Variants in ZNF148 observed in about 807,000 individuals in gnomAD.
The protein encoded by ZNF148 is Beta-Enolase Repressor Factor-1.
In ZNF148, 7 loss-of-function variants were observed where a neutral mutation model predicts 67.7. The observed-to-expected ratio is 0.10, with a 90% confidence interval of 0.06 to 0.19. The LOEUF (loss-of-function observed/expected upper bound fraction) is 0.19. Among genes scored for constraint, ZNF148 ranks in the 10% least tolerant of loss-of-function variants. The probability of loss-of-function intolerance (pLI) is 1.00; values close to 1 mark genes in which losing one functional copy is unlikely to be tolerated. For missense variants in ZNF148, 583 were observed against 947.1 expected, an observed-to-expected ratio of 0.62 and a Z score of 5.05; for synonymous variants, 333 against 330.7, an observed-to-expected ratio of 1.01 and a Z score of -0.08.
At chr3:125,242,593 T>C (rs565092431) in intron 7 of ZNF148, among the ~76,000 whole-genome samples, 2 of 152,276 alleles carry the variant, frequency 1.3e-5, no homozygotes, top group South Asian at 4.1e-4. Flanking sequence ...ACTGCGCCAC[T>C]GCACTCCAGC....
At chr3:125,334,716 G>A (rs934864822) in intron 1 of ZNF148, among the ~76,000 whole-genome samples, 5 of 152,144 alleles carry the variant, frequency 3.3e-5, no homozygotes, top group African/African-American at 9.7e-5. Context: ...AAAGTAGTAA[G>A]AGGCAGACCC....
At chr3:125,334,507 A>G (rs761924017) in intron 1 of ZNF148, among the ~76,000 whole-genome samples, 14 of 152,166 alleles carry the variant, frequency 9.2e-5, no homozygotes, top group Non-Finnish European at 1.8e-4. Context: ...GTGATCTCTT[A>G]ATGTTGATTC....
chr3:125,277,899 C>T (rs751233848), intron 6 of ZNF148, 90 bp from the exon 7 acceptor site: 6 of 1,039,810 alleles, frequency 5.8e-6, no homozygotes, highest in Non-Finnish European at 7.9e-6. Flanking sequence ...TCTTAGATGC[C>T]CAAATTTTGG....
At chr3:125,300,641 G>A (rs941695252) in intron 4 of ZNF148, among the ~76,000 whole-genome samples, 4 of 152,128 alleles carry the variant, frequency 2.6e-5, no homozygotes, top group African/African-American at 9.7e-5. Flanking sequence ...GAATGCTAAA[G>A]CATTTTTTAA....
intron 7 of ZNF148, among the ~76,000 whole-genome samples, chr3:125,257,420 G>C (rs989729206): frequency 6.6e-6 from 1 of 152,066 alleles, no homozygotes; most frequent in Non-Finnish European, 1.5e-5. Flanking sequence ...GCTGGACGTG[G>C]TGGCGTGCAC....
Position 125,232,838 on chromosome 3 carries a change from A to G in ZNF148, c.1888T>C (p.Phe630Leu), listed in dbSNP as rs745866104. The G allele has an allele frequency of 6.2e-7, 1 of 1,613,882 alleles. No homozygotes were observed. Among genetic ancestry groups the G allele is most frequent in the Non-Finnish European group, 8.5e-7 (1 of 1,179,840 alleles). ...DAYLNSPSLN[F>L]VTDNQTLPNQ... ...GGGAGGGTCTGGTTATCAGTCACAA[A>G]GTTAAGGCTCGGGCTATTCAAATAG... Residue 630 changes from phenylalanine (F) to leucine (L), a missense_variant, in exon 9 of 9, where the codon TTT becomes CTT. By Grantham distance (22) the Phe-to-Leu change is conservative. Transcript: ENST00000360647. This position sits in a 1 kb window ranked among gnomAD's most constrained non-coding sequence, Gnocchi z 4.2.
intron 4 of ZNF148, among the ~76,000 whole-genome samples, chr3:125,307,732 C>T (rs1454470698): frequency 6.6e-6 from 1 of 152,078 alleles, no homozygotes; most frequent in African/African-American, 2.4e-5. Flanking sequence ...GCAACCTCTG[C>T]CTCCTGGACT....
Position 125,335,752 on chromosome 3 carries a change from T to C in ZNF148, c.-233-4514A>G, listed in dbSNP as rs1257976801. ...GTATTTTCAAATATTTCACATTTCA[T>C]GTTTTCAAATATTTCACATTTCATG... On this transcript the variant is annotated intron_variant, in intron 1 of 8. Coordinates refer to ENST00000360647, the MANE Select transcript of ZNF148 (RefSeq NM_021964.3). 2.6e-5 allele frequency among the ~76,000 whole-genome samples: 4 copies of C among 152,354 alleles called. No individual in the cohort carries two copies. The South Asian group carries it at 8.3e-4, about 32-fold the overall frequency.
At chr3:125,329,256 A>ATGAATGTAG (rs1941165829) in intron 2 of ZNF148, among the ~76,000 whole-genome samples, 1 of 148,092 alleles carries the variant, frequency 6.8e-6, no homozygotes. Context: ...TATCTGTAGT[A>ATGAATGTAG]TATACATATG....
intron 4 of ZNF148, among the ~76,000 whole-genome samples, chr3:125,301,335 A>C (rs1482922104): frequency 6.6e-6 from 1 of 152,150 alleles, no homozygotes; most frequent in African/African-American, 2.4e-5. Flanking sequence ...ACTATTAATA[A>C]AATTTATTAA....
chr3:125,372,401 A>G (rs555570166), intron 1 of ZNF148, among the ~76,000 whole-genome samples: 2 of 152,350 alleles, frequency 1.3e-5, no homozygotes, highest in East Asian at 3.9e-4. Flanking sequence ...CACTGAATAA[A>G]ATAACTAAAA....
At chr3:125,264,922 T>C (rs1937500350) in intron 7 of ZNF148, among the ~76,000 whole-genome samples, 1 of 152,186 alleles carries the variant, frequency 6.6e-6, no homozygotes, top group Non-Finnish European at 1.5e-5. Flanking sequence ...TAATGGCTAA[T>C]TAATTAGATC....
chr3:125,351,676 A>T (rs1942158507), intron 1 of ZNF148, among the ~76,000 whole-genome samples: 1 of 152,216 alleles, frequency 6.6e-6, no homozygotes, highest in Non-Finnish European at 1.5e-5. Flanking sequence ...TAACATCCAG[A>T]ACATATAAAG....
At chr3:125,308,069 A>G (rs940574143) in intron 4 of ZNF148, among the ~76,000 whole-genome samples, 1 of 152,200 alleles carries the variant, frequency 6.6e-6, no homozygotes, top group Non-Finnish European at 1.5e-5. Context: ...GGCCCCAGAC[A>G]GTGCAATAAG....
rs914197668 is a variant in ZNF148, at chr3:125,231,764, A to G, written c.*577T>C. The G allele has an allele frequency of 1.3e-5, 2 of 152,590 alleles. No homozygotes were observed. Among genetic ancestry groups the G allele is most frequent in the Admixed American group, 1.3e-4 (2 of 15,264 alleles). 9.5% of individuals were successfully genotyped at this position (152,590 alleles called of 1,614,324 possible). ...GATTTTTATTACTTTTTTTCCTTCAAAAAAACACGTCAATATAATGCAAAA... is the reference window on the plus strand; with the variant it reads ...GATTTTTATTACTTTTTTTCCTTCAGAAAAACACGTCAATATAATGCAAAA... On this transcript the variant is annotated 3_prime_UTR_variant, in exon 9 of 9. Transcript: ENST00000360647.
At chr3:125,236,739 C>T (rs1042530158) in intron 7 of ZNF148, among the ~76,000 whole-genome samples, 2 of 152,146 alleles carry the variant, frequency 1.3e-5, no homozygotes, top group Non-Finnish European at 2.9e-5. Flanking sequence ...CTTTCAAGCT[C>T]GAGAGGCCCA....
intron 7 of ZNF148, among the ~76,000 whole-genome samples, chr3:125,277,416 T>C (rs1938134513): frequency 6.6e-6 from 1 of 152,164 alleles, no homozygotes; most frequent in African/African-American, 2.4e-5. Flanking sequence ...CCAGACTAAT[T>C]AACGATAATT....
rs551410276 is a variant in ZNF148, at chr3:125,274,562, C to T, written c.667+3164G>A. Among the ~76,000 whole-genome samples, 409 of 152,282 alleles carry T rather than the reference C, an allele frequency of 2.7e-3. 7 individuals carry two copies. The highest frequency in any genetic ancestry group is 8.7e-4 in the Non-Finnish European group (59 of 68,026). On this transcript the variant is annotated intron_variant, in intron 7 of 8. Coordinates refer to ENST00000360647, the MANE Select transcript of ZNF148 (RefSeq NM_021964.3). ...ATTAAATAATAGCCTGTCTAGAGCA[C>T]ATTAAAAATTTTTCCTTTTGAACCC... is the stretch of plus-strand genomic sequence containing the variant.
At chr3:125,278,359 A>G (rs573259812) in intron 6 of ZNF148, among the ~76,000 whole-genome samples, 2 of 152,246 alleles carry the variant, frequency 1.3e-5, no homozygotes, top group East Asian at 3.9e-4. Context: ...ACCTTGTTTC[A>G]GTCCTGAAAC....
Sources: allele counts gnomAD v4.1 joint callset (sites outside exome capture counted in the v4.1 genomes callset), GRCh38; gene constraint gnomAD v4.1.1; non-coding constraint Gnocchi (gnomAD v3.1); transcripts MANE v1.5; gene names NCBI Gene and HGNC (gene_info 2026-07-23, HGNC 2026-07-21).